The following AP1S3 variants were observed in gnomAD, a reference collection of about 807,000 sequenced individuals.
AP1S3 encodes adaptor related protein complex 1 subunit sigma 3.
In AP1S3, 10 loss-of-function variants were observed where a neutral mutation model predicts 20.9. The ratio of observed to expected loss-of-function variants is 0.48; its 90% confidence interval spans 0.29 to 0.81. AP1S3 has a LOEUF of 0.81. Ranked by LOEUF, AP1S3 falls within the 30% of genes least tolerant of loss-of-function variation. AP1S3 has a pLI of 0.08. For synonymous variants in AP1S3, 41 were observed against 61.5 expected (o/e 0.67, Z 1.56); for missense variants, 154 against 183.8 (o/e 0.84, Z 0.94).
At position 223,758,136 on chromosome 2, in the gene AP1S3, C is replaced by A; in HGVS notation, c.*579G>T. On this transcript the variant is annotated 3_prime_UTR_variant, in exon 5 of 5. Coordinates refer to ENST00000396654, the MANE Select transcript of AP1S3 (RefSeq NM_001039569.2). ...ATACTCTTTGGTTATTTTCATAATC[C>A]CAATTCTAAAAAAAATAAATGAATT... 1 of 957,324 alleles carries A rather than the reference C, an allele frequency of 1.0e-6. No individual in the cohort carries two copies. Among genetic ancestry groups the A allele is most frequent in the Non-Finnish European group, 1.2e-6 (1 of 812,228 alleles). The allele number at this position is 957,324 out of a possible 1,614,324, so 59.3% of individuals were successfully genotyped here. A position where few individuals can be genotyped will look rare whatever the true frequency, so the allele number is the denominator to read the frequency against.
chr2:223,828,911 C>G (rs1207394830), intron 1 of AP1S3, among the ~76,000 whole-genome samples: 1 of 152,178 alleles, frequency 6.6e-6, no homozygotes, highest in Admixed American at 6.5e-5. Context: ...GGCGCGATCT[C>G]GGCTCACTGC....
At chr2:223,835,439 G>A (rs181940923) in intron 1 of AP1S3, among the ~76,000 whole-genome samples, 11 of 152,210 alleles carry the variant, frequency 7.2e-5, no homozygotes, top group Admixed American at 5.2e-4. Context: ...GGTGGATCAC[G>A]AGGTCAGGAG....
chr2:223,765,940 T>C (rs908240974), intron 3 of AP1S3, among the ~76,000 whole-genome samples: 3 of 152,324 alleles, frequency 2.0e-5, no homozygotes, highest in African/African-American at 7.2e-5. Flanking sequence ...TCCCAGGTGA[T>C]GCTGAGGCCG....
chr2:223,794,145 T>G (rs115463276), intron 1 of AP1S3, among the ~76,000 whole-genome samples: 10 of 152,274 alleles, frequency 6.6e-5, no homozygotes, highest in Admixed American at 2.0e-4. Context: ...CTAACTCCAT[T>G]TCTTGCTCAG....
intron 1 of AP1S3, among the ~76,000 whole-genome samples, chr2:223,823,415 C>A (rs1332717887): frequency 6.6e-6 from 1 of 152,118 alleles, no homozygotes; most frequent in African/African-American, 2.4e-5. Flanking sequence ...CTTTAGAAAG[C>A]AGAAAACCCT....
chr2:223,793,650 T>C (rs1489705304), intron 1 of AP1S3, among the ~76,000 whole-genome samples: 1 of 152,100 alleles, frequency 6.6e-6, no homozygotes, highest in Non-Finnish European at 1.5e-5. Flanking sequence ...GCTTAATACC[T>C]AGGTGATGGG....
chr2:223,761,959 G>A (rs1415765042), intron 4 of AP1S3, among the ~76,000 whole-genome samples: 1 of 152,050 alleles, frequency 6.6e-6, no homozygotes, highest in Non-Finnish European at 1.5e-5. Flanking sequence ...GACCACTATC[G>A]CCTTTGAGAG....
chr2:223,773,421 T>C (rs961676967), intron 3 of AP1S3: 2 of 1,252,396 alleles, frequency 1.6e-6, no homozygotes, highest in African/African-American at 1.6e-5. Context: ...TATTAAATAA[T>C]ATGTTTGAAA....
chr2:223,765,291 A>G lies in AP1S3; in HGVS notation c.351T>C (p.Phe117=). The change falls in exon 4 of 5, where the codon TTT becomes TTC. Residue 117 remains phenylalanine, a synonymous_variant. Transcript: ENST00000396654. ...FEKAYFILDE[F]IIGGEIQETS... is the part of the protein sequence containing the mutation. ...TTTCCTGAATTTCCCCACCTATTATAAACTCGTCCAGGATGAAATAAGCCT... is the reference window on the plus strand; with the variant it reads ...TTTCCTGAATTTCCCCACCTATTATGAACTCGTCCAGGATGAAATAAGCCT... The G allele has an allele frequency of 6.2e-7, 1 of 1,614,086 alleles. No individual in the cohort carries two copies. Among genetic ancestry groups the G allele is most frequent in the Non-Finnish European group, 8.5e-7 (1 of 1,180,002 alleles).
At chr2:223,798,033 T>G (rs188232603) in intron 1 of AP1S3, among the ~76,000 whole-genome samples, 1 of 152,342 alleles carries the variant, frequency 6.6e-6, no homozygotes, top group East Asian at 1.9e-4. Flanking sequence ...AGCCGAATAT[T>G]ACTGTCAAAT....
chr2:223,765,115 G>T (rs1051279005), intron 4 of AP1S3, 98 bp downstream of exon 4: 28 of 1,520,080 alleles, frequency 1.8e-5, no homozygotes, highest in Non-Finnish European at 1.9e-5. Flanking sequence ...ACCCAGCACA[G>T]AGTAAGTACT....
intron 1 of AP1S3, among the ~76,000 whole-genome samples, chr2:223,792,761 A>G (rs1269673180): frequency 6.6e-6 from 1 of 152,228 alleles, no homozygotes; most frequent in Non-Finnish European, 1.5e-5. Context: ...AGCAAACGAA[A>G]CTGTCATCAG....
At chr2:223,822,849 T>C (rs1356624717) in intron 1 of AP1S3, among the ~76,000 whole-genome samples, 2 of 151,412 alleles carry the variant, frequency 1.3e-5, no homozygotes, top group East Asian at 3.9e-4. Flanking sequence ...CAGTAAGGGG[T>C]TAATGTACAA....
At position 223,799,790 on chromosome 2, in the gene AP1S3, A is replaced by C. The variant is rs551702626; in HGVS notation, c.4-21921T>G. Among the ~76,000 whole-genome samples, 195 of 152,344 alleles carry C rather than the reference A, an allele frequency of 1.3e-3. 1 individual carries two copies. The highest frequency in any genetic ancestry group is 4.5e-3 in the African/African-American group (188 of 41,592). On this transcript the variant is annotated intron_variant, in intron 1 of 4. Transcript: ENST00000396654. Reference sequence around the variant, plus strand: ...CTAAAACTGAAGAAATCTTCTCATGAACCTAGGTGAAAAAAATCTTCAACA... The same window carrying C: ...CTAAAACTGAAGAAATCTTCTCATGCACCTAGGTGAAAAAAATCTTCAACA...
chr2:223,824,603 T>TAC (rs1559146610), intron 1 of AP1S3, among the ~76,000 whole-genome samples: 2 of 151,916 alleles, frequency 1.3e-5, no homozygotes, highest in African/African-American at 4.8e-5. Flanking sequence ...AGTGGCGCTA[T>TAC]CTCGGCTCAT....
chr2:223,815,655 C>T (rs967865316), intron 1 of AP1S3, among the ~76,000 whole-genome samples: 1 of 152,176 alleles, frequency 6.6e-6, no homozygotes, highest in South Asian at 2.1e-4. Context: ...ATAATCCAAG[C>T]ATATAAACTG....
intron 1 of AP1S3, among the ~76,000 whole-genome samples, chr2:223,811,065 T>G (rs1691712623): frequency 6.6e-6 from 1 of 151,424 alleles, no homozygotes. Context: ...AACTGTAGAG[T>G]GGTGAAGTCT....
At chr2:223,813,968 A>G (rs1463861683) in intron 1 of AP1S3, among the ~76,000 whole-genome samples, 1 of 152,178 alleles carries the variant, frequency 6.6e-6, no homozygotes, top group Non-Finnish European at 1.5e-5. Flanking sequence ...ATCTTTACAA[A>G]TCCTTAAAAC....
At chr2:223,782,060 G>T (rs544994293) in intron 1 of AP1S3, among the ~76,000 whole-genome samples, 1 of 148,404 alleles carries the variant, frequency 6.7e-6, no homozygotes, top group African/African-American at 2.5e-5. Context: ...CACCCAGGCT[G>T]GAGGGCAGTG....
Sources: gnomAD v4.1 joint callset for allele counts (sites outside exome capture counted in the v4.1 genomes callset) on GRCh38, gnomAD v4.1.1 for gene constraint, MANE v1.5 for transcripts, NCBI Gene and HGNC (gene_info 2026-07-23, HGNC 2026-07-21) for gene names.